The following VEZT variants were observed in gnomAD, a reference collection of about 807,000 sequenced individuals.
The protein encoded by VEZT is vezatin, adherens junctions transmembrane protein, also known as vezatin.
VEZT carries 39 observed loss-of-function variants against 79.9 expected under a neutral mutation model. The ratio of observed to expected loss-of-function variants is 0.49; its 90% confidence interval spans 0.38 to 0.64. The LOEUF (loss-of-function observed/expected upper bound fraction) is 0.64, where lower values mean the gene tolerates loss of function less well. Among genes scored for constraint, VEZT ranks in the 30% least tolerant of loss-of-function variants. The pLI, the probability that VEZT is intolerant of heterozygous loss-of-function variation, is 0.00. For missense variants in VEZT, 837 were observed against 893.1 expected, an observed-to-expected ratio of 0.94 and a Z score of 0.80; for synonymous variants, 325 against 327.6, an observed-to-expected ratio of 0.99 and a Z score of 0.09.
In VEZT at chr12:95,274,803, G is replaced by A; in HGVS notation, c.910G>A (p.Glu304Lys). 6.2e-7 allele frequency: 1 copy of A among 1,613,950 alleles called. No individual in the cohort carries two copies. The highest frequency in any genetic ancestry group is 8.5e-7 in the Non-Finnish European group (1 of 1,179,866). The part of the protein sequence containing the change: ...TNYICVVPFK[E>K]LGLGLSEEQI... ...CTACATCTGTGTGGTGCCTTTTAAA[G>A]AGCTGGGCCTTGGACTTAGTGAAGA... Residue 304 changes from glutamate to lysine, a missense_variant, in exon 7 of 12, where the codon GAG (glutamate) becomes AAG (lysine). Glu to Lys is a moderately conservative substitution (Grantham distance 56). Coordinates refer to ENST00000436874, the MANE Select transcript of VEZT (RefSeq NM_017599.4).
chr12:95,248,941 T>C (rs761158099), intron 1 of VEZT, among the ~76,000 whole-genome samples: 10 of 152,290 alleles, frequency 6.6e-5, no homozygotes, highest in Non-Finnish European at 1.5e-4. Context: ...CCCCCATTTT[T>C]GGATGGCAGG....
chr12:95,257,041 T>G, intron 2 of VEZT, 109 bp from the exon 3 acceptor site: 1 of 893,756 alleles, frequency 1.1e-6, no homozygotes, highest in South Asian at 1.9e-5. Flanking sequence ...AATTTTTTTC[T>G]TCCTTTTCTG....
intron 1 of VEZT, chr12:95,243,851 G>T (rs1312823413): frequency 2.4e-6 from 1 of 416,704 alleles, no homozygotes. Context: ...TCCTGAAAGA[G>T]CAGGTTGTTA....
chr12:95,258,492 A>G (rs1386129535), intron 3 of VEZT, among the ~76,000 whole-genome samples: 1 of 152,150 alleles, frequency 6.6e-6, no homozygotes, highest in Non-Finnish European at 1.5e-5. Context: ...TAGTAATGGA[A>G]CAAGAAATTG....
At chr12:95,264,869 C>CTTTTTTTTTTTT (rs71078693) in intron 4 of VEZT, among the ~76,000 whole-genome samples, 3 of 113,330 alleles carry the variant, frequency 2.6e-5, no homozygotes, top group East Asian at 2.4e-4. Context: ...CTTTTCTTTT[C>CTTTTTTTTTTTT]TTTTTTTTTT....
chr12:95,252,288 G>T, intron 2 of VEZT: 1 of 389,356 alleles, frequency 2.6e-6, no homozygotes, highest in Non-Finnish European at 4.4e-6. Context: ...ATTTGGTAGA[G>T]AATTAAAATA....
chr12:95,294,303 T>C lies in VEZT; in HGVS notation c.1554T>C (p.His518=), dbSNP rs1232493559. ...GKPEIACENP[H]CTVVPLKQPT... ...CTGAAATAGCATGTGAAAACCCACA[T>C]TGTACAGTAGTACCTTTGAAGCAGC... The change falls in exon 10 of 12, where the codon CAT becomes CAC. Residue 518 remains histidine (H), a synonymous_variant. Transcript: ENST00000436874. 8 of 1,593,004 alleles carry C rather than the reference T, an allele frequency of 5.0e-6. No individual in the cohort carries two copies. The highest frequency in any genetic ancestry group is 1.6e-4 in the Middle Eastern group (1 of 6,070).
At chr12:95,298,335 A>T (rs1457925228) in intron 11 of VEZT, among the ~76,000 whole-genome samples, 1 of 152,146 alleles carries the variant, frequency 6.6e-6, no homozygotes, top group African/African-American at 2.4e-5. Context: ...ACCCCAAAGC[A>T]TATAGCAGAG....
rs910255709 is a variant in VEZT at position 95,280,450 on chromosome 12, T to TC, written c.997-1856dup. 4.0e-5 allele frequency among the ~76,000 whole-genome samples: 5 copies of TC among 125,036 alleles called. No homozygotes were observed. In the South Asian group the frequency reaches 8.3e-4, roughly 21 times the overall value. 82.0% of individuals were successfully genotyped at this position (125,036 alleles called of 152,430 possible). A position where few individuals can be genotyped will look rare whatever the true frequency, so the allele number is the denominator to read the frequency against. ...CTCTCCTTCGCGCTTTCTGTCTCTC[T>TC]CCCCCCCTTTCATATGTGTACACAC... On this transcript the variant is annotated intron_variant, in intron 7 of 11. Transcript: ENST00000436874.
At chr12:95,236,965 A>C (rs2060284243) in intron 1 of VEZT, among the ~76,000 whole-genome samples, 5 of 152,248 alleles carry the variant, frequency 3.3e-5, no homozygotes, top group Admixed American at 3.3e-4. Flanking sequence ...AGATATTATC[A>C]GGAGAATAAT....
At chr12:95,228,682 ACT>A (rs2058824951) in intron 1 of VEZT, among the ~76,000 whole-genome samples, 2 of 152,136 alleles carry the variant, frequency 1.3e-5, no homozygotes, top group Admixed American at 1.3e-4. Context: ...TTAAATCACA[ACT>A]CTATTGACAT....
At chr12:95,222,159 T>A (rs757489551) in intron 1 of VEZT, among the ~76,000 whole-genome samples, 5 of 152,238 alleles carry the variant, frequency 3.3e-5, no homozygotes, top group African/African-American at 7.2e-5. Flanking sequence ...TGTCTTTCAA[T>A]GAACAGAAGC....
chr12:95,230,167 C>T (rs1386711772), intron 1 of VEZT, among the ~76,000 whole-genome samples: 6 of 149,342 alleles, frequency 4.0e-5, no homozygotes, highest in African/African-American at 1.2e-4. Flanking sequence ...TTGAGTATTG[C>T]TTATAGTATA....
intron 7 of VEZT, among the ~76,000 whole-genome samples, chr12:95,276,302 G>A (rs1390072367): frequency 1.0e-5 from 1 of 97,956 alleles, no homozygotes; most frequent in African/African-American, 4.1e-5. Flanking sequence ...GTCTCACTCT[G>A]TTGCCCAGGC....
chr12:95,295,474 T>C (rs2073935111), intron 10 of VEZT, among the ~76,000 whole-genome samples: 1 of 152,140 alleles, frequency 6.6e-6, no homozygotes, highest in Non-Finnish European at 1.5e-5. Flanking sequence ...CCTGCTTCTT[T>C]TATCTCAGAC....
Position 95,301,994 on chromosome 12 carries a change from C to A in VEZT, c.*1321C>A, listed in dbSNP as rs1220197475. Reference sequence around the variant, plus strand: ...ACTATAAGTGATTTTGCCTTTTTGCCAAAATCCTGGAACTCATCTATAATT... The same window carrying A: ...ACTATAAGTGATTTTGCCTTTTTGCAAAAATCCTGGAACTCATCTATAATT... On this transcript the variant is annotated 3_prime_UTR_variant, in exon 12 of 12. Coordinates refer to ENST00000436874, the MANE Select transcript of VEZT (RefSeq NM_017599.4). 1 of 152,038 alleles carries A rather than the reference C, an allele frequency of 6.6e-6. No individual in the cohort carries two copies. Among genetic ancestry groups the A allele is most frequent in the African/African-American group, 2.4e-5 (1 of 41,400 alleles). The allele number at this position is 152,038 out of a possible 1,614,324, so 9.4% of individuals were successfully genotyped here.
chr12:95,262,882 C>T (rs774401631), intron 3 of VEZT, 24 bp from the exon 4 acceptor site: 3 of 1,549,182 alleles, frequency 1.9e-6, no homozygotes, highest in Non-Finnish European at 2.6e-6. Context: ...GTTAATACCT[C>T]TCTTCTGGTA....
Position 95,273,337 on chromosome 12 carries a change from A to G in VEZT, c.849-1405A>G, listed in dbSNP as rs1044160310. On this transcript the variant is annotated intron_variant, in intron 6 of 11. Coordinates refer to ENST00000436874, the MANE Select transcript of VEZT (RefSeq NM_017599.4). ...TTTATACAGGGATAAATATGTATGT[A>G]TGTATTTATGTACATGCATGCATAT... Among the ~76,000 whole-genome samples, 16 of 152,284 alleles carry G rather than the reference A, an allele frequency of 1.1e-4. 1 individual carries two copies. The South Asian group carries it at 1.5e-3, about 14-fold the overall frequency.
At position 95,282,337 on chromosome 12, in the gene VEZT, C is replaced by G; in HGVS notation, c.1021C>G (p.Gln341Glu). Reference sequence around the variant, plus strand: ...GGTTTTGTTCCAACTCTGGGTGGCACAGAGTTCAGAGTTCTTCAGACGGTT... The same window carrying G: ...GGTTTTGTTCCAACTCTGGGTGGCAGAGAGTTCAGAGTTCTTCAGACGGTT... ...LKVLFQLWVA[Q>E]SSEFFRRLAL... Residue 341 changes from glutamine to glutamate, a missense_variant, in exon 8 of 12, where the codon CAG becomes GAG. Coordinates refer to ENST00000436874, the MANE Select transcript of VEZT (RefSeq NM_017599.4). The G allele has an allele frequency of 6.2e-7, 1 of 1,611,974 alleles. No homozygotes were observed. Among genetic ancestry groups the G allele is most frequent in the Non-Finnish European group, 8.5e-7 (1 of 1,179,244 alleles).
Sources: gnomAD v4.1 joint callset for allele counts (sites outside exome capture counted in the v4.1 genomes callset) on GRCh38, gnomAD v4.1.1 for gene constraint, MANE v1.5 for transcripts, NCBI Gene and HGNC (gene_info 2026-07-23, HGNC 2026-07-21) for gene names.